The following EMCN variants were observed in gnomAD, a reference collection of about 807,000 sequenced individuals.
EMCN encodes the protein endomucin, also known as MUC-14.
A neutral mutation model predicts 38.4 loss-of-function variants in EMCN; 37 were observed. The observed-to-expected ratio is 0.96, with a 90% CI of 0.74 to 1.27. EMCN has a LOEUF of 1.27. Ranked by LOEUF, EMCN falls within the 50% of genes most tolerant of loss-of-function variation. The pLI is 0.00. For synonymous variants in EMCN, 95 were observed against 100.8 expected (o/e 0.94, Z 0.35); for missense variants, 318 against 302.8 (o/e 1.05, Z -0.37).
intron 5 of EMCN, among the ~76,000 whole-genome samples, chr4:100,440,276 GT>G (rs1239960325): frequency 1.3e-5 from 2 of 151,876 alleles, no homozygotes; most frequent in African/African-American, 2.4e-5. Flanking sequence ...GGTACAAGTG[GT>G]TTTTTTGTTA....
chr4:100,422,026 C>T (rs1205697736), intron 7 of EMCN, among the ~76,000 whole-genome samples: 1 of 151,738 alleles, frequency 6.6e-6, no homozygotes, highest in Non-Finnish European at 1.5e-5. Flanking sequence ...TCCTTCCTTC[C>T]TTCTTTCCTT....
intron 3 of EMCN, among the ~76,000 whole-genome samples, chr4:100,473,395 T>TTTTTTTTTTTTTTTTTTTC (rs1263222229): frequency 6.9e-6 from 1 of 143,962 alleles, no homozygotes; most frequent in Non-Finnish European, 1.5e-5. Context: ...TGTTTTTTTT[T>TTTTTTTTTTTTTTTTTTTC]TTGCTAATGA....
chr4:100,498,693 C>T lies in EMCN; in HGVS notation c.65-18654G>A, dbSNP rs180957674. 2.9e-3 allele frequency among the ~76,000 whole-genome samples: 447 copies of T among 152,186 alleles called. 5 individuals carry two copies. Among genetic ancestry groups the T allele is most frequent in the African/African-American group, 0.01 (427 of 41,530 alleles). On this transcript the variant is annotated intron_variant, in intron 1 of 11. Transcript: ENST00000296420. ...CTGACCTCAGGTGATCCACCCACCT[C>T]GGCCTCCCAAAGTGCTGGGAGTACA...
chr4:100,454,214 T>C (rs1331996009), intron 4 of EMCN, among the ~76,000 whole-genome samples: 3 of 142,680 alleles, frequency 2.1e-5, no homozygotes, highest in Admixed American at 7.2e-5. Flanking sequence ...AGTTAATGAG[T>C]ATGTCGTGTT....
At chr4:100,510,880 C>T (rs1560647412) in intron 1 of EMCN, among the ~76,000 whole-genome samples, 1 of 152,162 alleles carries the variant, frequency 6.6e-6, no homozygotes, top group Non-Finnish European at 1.5e-5. Flanking sequence ...GCTTCACTGA[C>T]ATTTATAGCC....
chr4:100,462,124 C>T (rs1578209722), intron 4 of EMCN, among the ~76,000 whole-genome samples: 1 of 152,054 alleles, frequency 6.6e-6, no homozygotes, highest in East Asian at 1.9e-4. Context: ...TAATGGCTGA[C>T]CCAGAAATAA....
chr4:100,450,157 A>C (rs1727797380), intron 4 of EMCN, among the ~76,000 whole-genome samples: 1 of 152,018 alleles, frequency 6.6e-6, no homozygotes, highest in Non-Finnish European at 1.5e-5. Context: ...AGAATCTCAG[A>C]AAAGTCAAAT....
intron 11 of EMCN, among the ~76,000 whole-genome samples, chr4:100,408,228 C>G (rs1726449532): frequency 6.6e-6 from 1 of 152,158 alleles, no homozygotes; most frequent in Non-Finnish European, 1.5e-5. Context: ...GTAATTTCAT[C>G]CATTTTATTC....
At chr4:100,475,659 CTTTTT>C (rs869169290) in intron 2 of EMCN, among the ~76,000 whole-genome samples, 1,304 of 60,222 alleles carry the variant, frequency 0.022, 234 homozygotes, top group Admixed American at 0.026. Flanking sequence ...AATTCTAGTC[CTTTTT>C]TTTTTTTTTT....
At chr4:100,470,174 A>G (rs532442542) in intron 3 of EMCN, among the ~76,000 whole-genome samples, 1 of 152,136 alleles carries the variant, frequency 6.6e-6, no homozygotes, top group Non-Finnish European at 1.5e-5. Flanking sequence ...CGCATCTATA[A>G]GGAATTTAAA....
At chr4:100,402,453 T>C (rs557655691) in intron 11 of EMCN, among the ~76,000 whole-genome samples, 9 of 152,288 alleles carry the variant, frequency 5.9e-5, no homozygotes, top group Non-Finnish European at 1.3e-4. Flanking sequence ...CAAGTTGATA[T>C]CTAATTTCAA....
At chr4:100,449,560 A>G (rs569231681) in intron 4 of EMCN, among the ~76,000 whole-genome samples, 139 of 152,210 alleles carry the variant, frequency 9.1e-4, no homozygotes, top group African/African-American at 3.2e-3. Flanking sequence ...TAAAATATCT[A>G]TTAGCTGCAA....
chr4:100,507,607 C>A (rs1342126774), intron 1 of EMCN, among the ~76,000 whole-genome samples: 3 of 152,128 alleles, frequency 2.0e-5, no homozygotes, highest in Non-Finnish European at 2.9e-5. Context: ...AGGGCCTGTG[C>A]AGAATACTCT....
In EMCN at chr4:100,480,031, C is replaced by G. The variant is rs1427596424; in HGVS notation, c.73G>C (p.Glu25Gln). The G allele has an allele frequency of 1.2e-6, 2 of 1,604,114 alleles. No individual in the cohort carries two copies. The highest frequency in any genetic ancestry group is 3.4e-5 in the Admixed American group (2 of 58,066). ...ICSSNSTGVL[E>Q]AANNSLVVTT... ...ACAACAAGTGAATTATTAGCTGCCTCTAAAACACCTGAAAAAAGTAAAGTA... is the reference window on the plus strand; with the variant it reads ...ACAACAAGTGAATTATTAGCTGCCTGTAAAACACCTGAAAAAAGTAAAGTA... Residue 25 changes from glutamate to glutamine, a missense_variant, in exon 2 of 12, where the codon GAG becomes CAG. Physicochemically the swap from Glu to Gln is conservative, Grantham distance 29. Coordinates refer to ENST00000296420, the MANE Select transcript of EMCN (RefSeq NM_016242.4).
At chr4:100,455,436 A>G (rs978934827) in intron 4 of EMCN, among the ~76,000 whole-genome samples, 1 of 151,576 alleles carries the variant, frequency 6.6e-6, no homozygotes, top group African/African-American at 2.4e-5. Context: ...TCTGTTCCTG[A>G]ATGTCTTTAC....
intron 4 of EMCN, among the ~76,000 whole-genome samples, chr4:100,458,789 G>T (rs918475719): frequency 6.6e-6 from 1 of 152,052 alleles, no homozygotes; most frequent in Admixed American, 6.6e-5. Flanking sequence ...CTTTGCAGCT[G>T]GTGCTTACTC....
intron 1 of EMCN, among the ~76,000 whole-genome samples, chr4:100,484,023 GAT>G (rs1728879303): frequency 6.6e-6 from 1 of 152,128 alleles, no homozygotes; most frequent in Non-Finnish European, 1.5e-5. Context: ...ATTTTGTCCT[GAT>G]TCTACCCTGT....
At chr4:100,412,265 A>G (rs910469797) in intron 10 of EMCN, among the ~76,000 whole-genome samples, 6 of 152,198 alleles carry the variant, frequency 3.9e-5, no homozygotes, top group Non-Finnish European at 7.3e-5. Context: ...AGGCAGGCAC[A>G]TCATGGACGG....
chr4:100,415,985 T>A, intron 9 of EMCN, 26 bp from the exon 10 acceptor site: 1 of 1,483,266 alleles, frequency 6.7e-7, no homozygotes, highest in Non-Finnish European at 9.3e-7. Context: ...AACATGAAAT[T>A]AACACCACAG....
Sources: allele counts gnomAD v4.1 joint callset (sites outside exome capture counted in the v4.1 genomes callset), GRCh38; gene constraint gnomAD v4.1.1; transcripts MANE v1.5; gene names NCBI Gene and HGNC (gene_info 2026-07-23, HGNC 2026-07-21).